The following ST14 variants were observed in gnomAD, a reference collection of about 807,000 sequenced individuals.
The protein encoded by ST14 is ST14 transmembrane serine protease matriptase.
ST14 carries 40 observed loss-of-function variants against 96.5 expected under a neutral mutation model. The ratio of observed to expected loss-of-function variants is 0.41; its 90% CI spans 0.32 to 0.54. The LOEUF (loss-of-function observed/expected upper bound fraction) is 0.54, where lower values mean the gene tolerates loss of function less well. Ranked by LOEUF, ST14 falls within the 20% of genes least tolerant of loss-of-function variation. ST14 has a pLI of 0.17. For synonymous variants in ST14, 506 were observed against 492.1 expected, an observed-to-expected ratio of 1.03 and a Z score of -0.37; for missense variants, 1,066 against 1,188.9, an observed-to-expected ratio of 0.90 and a Z score of 1.52.
In ST14 at chr11:130,199,972, C is replaced by A. The variant is rs373734230; in HGVS notation, c.1829C>A (p.Thr610Lys). 1 of 1,614,074 alleles carries A rather than the reference C, an allele frequency of 6.2e-7. No individual in the cohort carries two copies. The highest frequency in any genetic ancestry group is 1.3e-5 in the African/African-American group (1 of 74,940). ...KDCDCGLRSF[T>K]RQARVVGGTD... ...GCAGACTGTGGGCTGCGGTCATTCA[C>A]GAGACAGGCTCGTGTTGTTGGGGGC... The change falls in exon 16 of 19, where the codon ACG (threonine) becomes AAG (lysine). Residue 610 changes from threonine (T) to lysine (K), a missense_variant. Thr to Lys is a moderately conservative substitution (Grantham distance 78). Transcript: ENST00000278742.
chr11:130,203,211 T>C (rs2136219473), intron 16 of ST14, among the ~76,000 whole-genome samples: 1 of 152,238 alleles, frequency 6.6e-6, no homozygotes, highest in East Asian at 1.9e-4. Context: ...GTGTCCATGC[T>C]GAGTGTTGGG....
intron 1 of ST14, among the ~76,000 whole-genome samples, chr11:130,167,569 G>A (rs1443289565): frequency 6.6e-6 from 1 of 152,132 alleles, no homozygotes; most frequent in Non-Finnish European, 1.5e-5. Flanking sequence ...ACATTTATTA[G>A]ATATCATACC....
Position 130,171,777 on chromosome 11 carries a change from G to A in ST14, c.81+11717G>A, listed in dbSNP as rs1953094377. ...CACACAGGCTGAAGCCACTCCACAAGTCAGTCAACATTGCAAGCCATACAT... is the reference window on the plus strand; with the variant it reads ...CACACAGGCTGAAGCCACTCCACAAATCAGTCAACATTGCAAGCCATACAT... On this transcript the variant is annotated intron_variant, in intron 1 of 18. Coordinates refer to ENST00000278742, the MANE Select transcript of ST14 (RefSeq NM_021978.4). 2.0e-5 allele frequency among the ~76,000 whole-genome samples: 3 copies of A among 152,204 alleles called. No homozygotes were observed. The South Asian group carries it at 6.2e-4, about 32-fold the overall frequency.
At chr11:130,195,802 G>C (rs569561324) in intron 9 of ST14, among the ~76,000 whole-genome samples, 5 of 150,520 alleles carry the variant, frequency 3.3e-5, no homozygotes, top group African/African-American at 1.2e-4. Flanking sequence ...GTGGTGAGCT[G>C]AGATCTTGCC....
chr11:130,169,582 A>G (rs1313290115), intron 1 of ST14, among the ~76,000 whole-genome samples: 1 of 152,204 alleles, frequency 6.6e-6, no homozygotes, highest in Non-Finnish European at 1.5e-5. Context: ...TAGCGATGAC[A>G]TAGATGGAAC....
At chr11:130,189,401 G>C in intron 4 of ST14, 1 of 472,516 alleles carries the variant, frequency 2.1e-6, no homozygotes, top group Non-Finnish European at 3.8e-6. Flanking sequence ...GGCATTCCCA[G>C]TTCCTTTCTC....
chr11:130,203,842 C>T (rs113309119), intron 16 of ST14, among the ~76,000 whole-genome samples: 8,992 of 152,180 alleles, frequency 0.059, 337 homozygotes, highest in Middle Eastern at 0.095. Flanking sequence ...TTAGTAGAAA[C>T]GGGGTTTCAC....
At chr11:130,179,200 T>G (rs193023056) in intron 1 of ST14, among the ~76,000 whole-genome samples, 1 of 152,246 alleles carries the variant, frequency 6.6e-6, no homozygotes, top group Admixed American at 6.5e-5. Flanking sequence ...GCCCTGCTCC[T>G]GATGCATGAC....
intron 1 of ST14, among the ~76,000 whole-genome samples, chr11:130,172,200 G>A (rs1953098788): frequency 6.7e-6 from 1 of 149,754 alleles, no homozygotes; most frequent in South Asian, 2.1e-4. Context: ...CTGCAGCCTT[G>A]ACATCCCAGG....
intron 1 of ST14, among the ~76,000 whole-genome samples, chr11:130,162,547 G>A (rs1029054898): frequency 2.0e-5 from 3 of 152,192 alleles, no homozygotes; most frequent in Non-Finnish European, 4.4e-5. Context: ...ATGTCTAGGG[G>A]CCAGGGTGTA....
chr11:130,198,215 A>G (rs1591892934), intron 12 of ST14, 93 bp from the exon 13 acceptor site: 2 of 1,235,686 alleles, frequency 1.6e-6, no homozygotes, highest in African/African-American at 3.0e-5. Context: ...TAGATCAGAA[A>G]GCGGTCCCCA....
At chr11:130,162,933 A>G (rs1197373996) in intron 1 of ST14, among the ~76,000 whole-genome samples, 1 of 152,160 alleles carries the variant, frequency 6.6e-6, no homozygotes, top group African/African-American at 2.4e-5. Flanking sequence ...GATCTCAGAG[A>G]TGTTACTCAA....
chr11:130,184,366 C>T (rs576441812), intron 1 of ST14, among the ~76,000 whole-genome samples: 8 of 152,198 alleles, frequency 5.3e-5, no homozygotes, highest in Admixed American at 6.5e-5. Context: ...ACGCAAAATA[C>T]GGGAGAGAAA....
At position 130,190,713 on chromosome 11, in the gene ST14, G is replaced by A. The variant is rs540883140; in HGVS notation, c.875+19G>A. ...TGGTGCAGTGAGTACCCCGGGGGGC[G>A]GGTAGGGCTGTGGGAGCTTGGCGGC... On this transcript the variant is annotated intron_variant, in intron 7 of 18. Transcript: ENST00000278742. The A allele has an allele frequency of 8.3e-5, 129 of 1,556,854 alleles. No individual in the cohort carries two copies. The East Asian group carries it at 1.4e-3, about 17-fold the overall frequency.
rs765875699 is a variant in ST14, at chr11:130,189,655, G to A, written c.441-84G>A. 75 of 1,573,266 alleles carry A rather than the reference G, an allele frequency of 4.8e-5. No homozygotes were observed. In the East Asian group the frequency reaches 1.1e-3, roughly 22 times the overall value. On this transcript the variant is annotated intron_variant, in intron 4 of 18. Coordinates refer to ENST00000278742, the MANE Select transcript of ST14 (RefSeq NM_021978.4). ...GGCAGGCCCAGGTGTGCCCCGAGCC[G>A]CCCATGTGTCCTGGAGTCGCTCTGG... is the stretch of plus-strand genomic sequence containing the variant.
chr11:130,178,828 CG>C (rs1030965627), intron 1 of ST14, among the ~76,000 whole-genome samples: 7 of 152,050 alleles, frequency 4.6e-5, no homozygotes, highest in African/African-American at 1.7e-4. Context: ...GAAAGGTGGG[CG>C]GGCCGGGGTT....
Position 130,208,610 on chromosome 11 carries a change from T to C in ST14, c.2195T>C (p.Leu732Pro), listed in dbSNP as rs377282423. The C allele has an allele frequency of 6.2e-7, 1 of 1,614,048 alleles. No homozygotes were observed. Among genetic ancestry groups the C allele is most frequent in the African/African-American group, 1.3e-5 (1 of 75,068 alleles). ...EYSSMVRPICLPDASHVFPAG... is the reference protein window; with the variant it reads ...EYSSMVRPICPPDASHVFPAG... Reference sequence around the variant, plus strand: ...AGCTCCATGGTGCGGCCCATCTGCCTGCCGGACGCCTCCCATGTCTTCCCT... The same window carrying C: ...AGCTCCATGGTGCGGCCCATCTGCCCGCCGGACGCCTCCCATGTCTTCCCT... Residue 732 changes from leucine to proline, a missense_variant, in exon 17 of 19, where the codon CTG (leucine) becomes CCG (proline). Physicochemically the swap from Leu to Pro is moderately conservative, Grantham distance 98 (BLOSUM62 -3). Transcript: ENST00000278742.
chr11:130,191,954 T>C (rs1316499637), intron 7 of ST14, among the ~76,000 whole-genome samples: 1 of 152,198 alleles, frequency 6.6e-6, no homozygotes, highest in African/African-American at 2.4e-5. Flanking sequence ...AGGTGAGTCC[T>C]TTCCTATCTC....
chr11:130,172,178 G>T (rs911188150), intron 1 of ST14, among the ~76,000 whole-genome samples: 1 of 151,794 alleles, frequency 6.6e-6, no homozygotes, highest in African/African-American at 2.4e-5. Flanking sequence ...GCAGTGGCGT[G>T]ATCACAGCTC....
Sources: gnomAD v4.1 joint callset for allele counts (sites outside exome capture counted in the v4.1 genomes callset) on GRCh38, gnomAD v4.1.1 for gene constraint, MANE v1.5 for transcripts, NCBI Gene and HGNC (gene_info 2026-07-23, HGNC 2026-07-21) for gene names.